ABCA9: variants seen among roughly 807,000 people sequenced by gnomAD.
ABCA9 encodes the protein ATP-binding cassette sub-family A member 9.
In ABCA9, 183 loss-of-function variants were observed where a neutral mutation model predicts 205.3. The observed-to-expected ratio is 0.89, with a 90% CI of 0.79 to 1.01. The LOEUF is 1.01. ABCA9 is among the 50% of genes least tolerant of loss of function. The probability of loss-of-function intolerance (pLI) is 0.00; values close to 1 mark genes in which losing one functional copy is unlikely to be tolerated. For missense variants in ABCA9, 1,805 were observed against 1,912.4 expected (o/e 0.94, Z 1.05); for synonymous variants, 651 against 683.3 (o/e 0.95, Z 0.74).
chr17:68,989,007 TTCCTG>T lies in ABCA9; in HGVS notation c.4047+15_4047+19del. The T allele has an allele frequency of 6.7e-7, 1 of 1,503,698 alleles. No individual in the cohort carries two copies. The allele number at this position is 1,503,698 out of a possible 1,614,324, so 93.1% of individuals were successfully genotyped here. A position where few individuals can be genotyped will look rare whatever the true frequency, so the allele number is the denominator to read the frequency against. Reference sequence around the variant, plus strand: ...TTTGTAGGTAGCACTAATGACCATATTCCTGTACGTTTTACTGACCTGTCCTGCAG... The same window carrying T: ...TTTGTAGGTAGCACTAATGACCATATTACGTTTTACTGACCTGTCCTGCAG... On this transcript the variant is annotated intron_variant, in intron 31 of 38. Coordinates refer to ENST00000340001, the MANE Select transcript of ABCA9 (RefSeq NM_080283.4).
chr17:68,989,973 T>C, intron 29 of ABCA9, 43 bp from the exon 30 acceptor site: 1 of 1,362,892 alleles, frequency 7.3e-7, no homozygotes, highest in Non-Finnish European at 1.0e-6. Flanking sequence ...ATTCGCATCT[T>C]GAACTGAGAG....
chr17:69,062,220 A>G (rs2072274409), upstream of ABCA9, among the ~76,000 whole-genome samples: 1 of 152,050 alleles, frequency 6.6e-6, no homozygotes, highest in Non-Finnish European at 1.5e-5. Flanking sequence ...TGCAGAAAAT[A>G]CAAAATTATC....
intron 6 of ABCA9, 125 bp from the exon 7 acceptor site, chr17:69,035,926 GCTAACTTATCTC>G: frequency 8.6e-7 from 1 of 1,164,892 alleles, no homozygotes; most frequent in Non-Finnish European, 1.2e-6. Flanking sequence ...AAATGCAATA[GCTAACTTATCTC>G]CTACCCTCAG....
intron 8 of ABCA9, among the ~76,000 whole-genome samples, chr17:69,034,371 T>C (rs746288851): frequency 1.3e-4 from 20 of 152,040 alleles, no homozygotes; most frequent in Admixed American, 6.6e-5. Flanking sequence ...ACAGATGCAC[T>C]CCACCATGAC....
At chr17:68,988,770 AT>A (rs1451137973) in intron 31 of ABCA9, among the ~76,000 whole-genome samples, 8 of 152,204 alleles carry the variant, frequency 5.3e-5, no homozygotes, top group African/African-American at 1.4e-4. Context: ...TAAAGCAAAG[AT>A]ATCTGACTTT....
chr17:68,983,638 A>T, intron 36 of ABCA9, 71 bp downstream of exon 36: 2 of 1,576,034 alleles, frequency 1.3e-6, no homozygotes, highest in Non-Finnish European at 1.7e-6. Flanking sequence ...TAAAGCTCTT[A>T]TTCCGTCATC....
chr17:68,996,053 C>A, intron 25 of ABCA9, 39 bp from the exon 26 acceptor site: 1 of 1,581,732 alleles, frequency 6.3e-7, no homozygotes, highest in South Asian at 1.2e-5. Context: ...TAAAGTGTAC[C>A]AATCTGAATT....
intron 22 of ABCA9, among the ~76,000 whole-genome samples, 160 bp downstream of exon 22, chr17:69,016,093 T>TGG (rs2070588841): frequency 4.2e-5 from 3 of 71,088 alleles, no homozygotes; most frequent in Non-Finnish European, 1.0e-4. Flanking sequence ...CAGATTTATA[T>TGG]GTGTGTGTGT....
chr17:69,005,362 A>C (rs559743069), intron 25 of ABCA9, among the ~76,000 whole-genome samples: 1 of 152,280 alleles, frequency 6.6e-6, no homozygotes, highest in Non-Finnish European at 1.5e-5. Flanking sequence ...TGGGCACCCT[A>C]TTAGACGTTG....
At position 69,045,303 on chromosome 17, in the gene ABCA9, CT is replaced by C. The variant is rs367985525; in HGVS notation, c.337del (p.Ser113AlafsTer7). The C allele has an allele frequency of 3.1e-6, 5 of 1,611,646 alleles. No individual in the cohort carries two copies. In the Admixed American group the frequency reaches 8.4e-5, roughly 27 times the overall value. Reference protein sequence around the residue: ...RTIMGWPDEKSMDELDLNYSI... With the variant: ...RTIMGWPDEKXMDELDLNYSI... ...ATAGTTCAAATCCAATTCATCCATG[CT>C]TTTTTCATCAGGCCACCCCATGATT... On this transcript the variant is annotated frameshift_variant, in exon 4 of 39. Transcript: ENST00000340001. LOFTEE classifies it high-confidence loss of function.
intron 6 of ABCA9, among the ~76,000 whole-genome samples, chr17:69,039,079 G>A (rs1192260341): frequency 2.0e-5 from 3 of 152,068 alleles, no homozygotes; most frequent in African/African-American, 7.2e-5. Flanking sequence ...CAAACAAATG[G>A]AAAAACATTC....
intron 25 of ABCA9, among the ~76,000 whole-genome samples, chr17:69,003,752 C>T (rs1425199042): frequency 6.6e-6 from 1 of 151,908 alleles, no homozygotes; most frequent in South Asian, 2.1e-4. Context: ...CTTTCAGGTA[C>T]ACCAATCAGA....
rs761764395 is a variant in ABCA9, at chr17:68,984,015, C to T, written c.4499+41G>A. On this transcript the variant is annotated intron_variant, in intron 35 of 38. Coordinates refer to ENST00000340001, the MANE Select transcript of ABCA9 (RefSeq NM_080283.4). ...AGGGAAATAAACTTTGCTCACAGCA[C>T]ACAACCTAGGGGCTGAGCGCCGGCT... 1.2e-5 allele frequency: 19 copies of T among 1,612,334 alleles called. No homozygotes were observed. The Admixed American group carries it at 3.2e-4, about 27-fold the overall frequency.
At chr17:69,049,937 C>T (rs1232089644) in intron 2 of ABCA9, among the ~76,000 whole-genome samples, 1 of 151,818 alleles carries the variant, frequency 6.6e-6, no homozygotes, top group African/African-American at 2.4e-5. Flanking sequence ...AAATGTTGCT[C>T]ATAAAAAAAC....
chr17:69,072,440 T>C, the ABCA9 span, among the ~76,000 whole-genome samples: 1 of 152,274 alleles, frequency 6.6e-6, no homozygotes, highest in African/African-American at 2.4e-5. Context: ...GGGGACAATA[T>C]TCAACATTCT....
chr17:69,049,547 A>G, intron 2 of ABCA9, 57 bp from the exon 3 acceptor site: 4 of 1,369,354 alleles, frequency 2.9e-6, no homozygotes, highest in Non-Finnish European at 4.0e-6. Flanking sequence ...CCACAGATCA[A>G]TCATCCACAA....
At chr17:69,005,221 A>T (rs1447363893) in intron 25 of ABCA9, among the ~76,000 whole-genome samples, 1 of 152,126 alleles carries the variant, frequency 6.6e-6, no homozygotes, top group Non-Finnish European at 1.5e-5. Flanking sequence ...TGAAGCCTGG[A>T]GGCCTAGATG....
upstream of ABCA9, among the ~76,000 whole-genome samples, chr17:69,064,405 C>T (rs77212145): frequency 7.7e-4 from 117 of 152,254 alleles, 1 homozygote; most frequent in East Asian, 0.02. Context: ...CATCTTTCTC[C>T]CCCATCTTCC....
At position 68,997,432 on chromosome 17, in the gene ABCA9, A is replaced by G. The variant is rs1441553049; in HGVS notation, c.3436-1418T>C. 6.6e-5 allele frequency among the ~76,000 whole-genome samples: 10 copies of G among 151,898 alleles called. 1 individual carries two copies. The highest frequency in any genetic ancestry group is 1.5e-4 in the Non-Finnish European group (10 of 67,956). The stretch of plus-strand genomic sequence containing the variant: ...ATATTTAAGTATTCTATGATTCCCA[A>G]AGTTATTTGATCTTCCTAAATGTTT... On this transcript the variant is annotated intron_variant, in intron 25 of 38. Transcript: ENST00000340001.
Sources: gnomAD v4.1 joint callset for allele counts (sites outside exome capture counted in the v4.1 genomes callset) on GRCh38, gnomAD v4.1.1 for gene constraint, MANE v1.5 for transcripts, NCBI Gene and HGNC (gene_info 2026-07-23, HGNC 2026-07-21) for gene names.